Variants in NEB observed in about 807,000 individuals in gnomAD.
The protein encoded by NEB is nebulin, also known as nemaline myopathy type 2.
NEB carries 512 observed loss-of-function variants against 952.2 expected under a neutral mutation model. The ratio of observed to expected loss-of-function variants is 0.54; its 90% CI spans 0.50 to 0.58. The LOEUF is 0.58. Among genes scored for constraint, NEB ranks in the 20% least tolerant of loss-of-function variants. NEB has a pLI of 0.00. For missense variants in NEB, 8,428 were observed against 9,231.1 expected (o/e 0.91, Z 3.56); for synonymous variants, 2,900 against 3,149.8 (o/e 0.92, Z 2.66).
At chr2:151,521,661 A>T (rs967680608) in intron 153 of NEB, among the ~76,000 whole-genome samples, 1 of 152,198 alleles carries the variant, frequency 6.6e-6, no homozygotes, top group African/African-American at 2.4e-5. Flanking sequence ...CTTTTAGAAG[A>T]TACTTGTTTC....
At position 151,653,675 on chromosome 2, in the gene NEB, G is replaced by C. The variant is rs151044518; in HGVS notation, c.6915+317C>G. ...TGAATTTGTCTAAAATAGACAAGTA[G>C]AAAGCAGTAAAATTATTATATTTTC... On this transcript the variant is annotated intron_variant, in intron 52 of 181. Transcript: ENST00000397345. Among the ~76,000 whole-genome samples the C allele has an allele frequency of 6.3e-3, 953 of 152,258 alleles. 12 individuals are homozygous for C. Among genetic ancestry groups the C allele is most frequent in the African/African-American group, 0.022 (911 of 41,550 alleles).
rs1247575175 is a variant in NEB at position 151,533,484 on chromosome 2, T to C, written c.21375A>G (p.Pro7125=). 6.4e-7 allele frequency: 1 copy of C among 1,551,626 alleles called. No homozygotes were observed. Among genetic ancestry groups the C allele is most frequent in the Admixed American group, 2.0e-5 (1 of 51,004 alleles). The change falls in exon 143 of 182, where the codon CCA becomes CCG. Residue 7125 remains proline (P), a synonymous_variant. Transcript: ENST00000397345. ...LQHGCNEILR[P]DMLTALYNSH... ...AATTGTAGAGAGCAGTCAACATATC[T>C]GGACGCAGAATTTCATTACATCCAT...
chr2:151,666,703 C>T (rs1291748161), intron 40 of NEB, among the ~76,000 whole-genome samples: 1 of 151,740 alleles, frequency 6.6e-6, no homozygotes, highest in Non-Finnish European at 1.5e-5. Flanking sequence ...TTGATGTACG[C>T]TTTTTTTGTT....
intron 65 of NEB, among the ~76,000 whole-genome samples, chr2:151,632,472 T>G (rs1460025749): frequency 6.6e-6 from 1 of 151,970 alleles, no homozygotes; most frequent in Non-Finnish European, 1.5e-5. Flanking sequence ...GGTCAGGAGT[T>G]GGAGACCAGC....
At chr2:151,506,298 A>G in intron 163 of NEB, 40 bp from the exon 164 acceptor site, 2 of 1,459,596 alleles carry the variant, frequency 1.4e-6, no homozygotes, top group Non-Finnish European at 1.9e-6. Context: ...CACAGAAGAA[A>G]AGAAAACCCA....
At chr2:151,486,899 G>C (rs2050934139) in intron 181 of NEB, 1 of 152,140 alleles carries the variant, frequency 6.6e-6, no homozygotes, top group African/African-American at 2.4e-5. Context: ...TTGTTTGTTT[G>C]TTTTAATTCA....
chr2:151,493,255 AGT>A (rs1449908882), intron 176 of NEB, 96 bp downstream of exon 176: 17 of 926,202 alleles, frequency 1.8e-5, no homozygotes, highest in African/African-American at 6.7e-5. Context: ...TTAAAATTTT[AGT>A]GTGTTTTTCA....
At chr2:151,498,130 T>C in intron 170 of NEB, 130 bp downstream of exon 170, 1 of 1,521,396 alleles carries the variant, frequency 6.6e-7, no homozygotes, top group African/African-American at 1.4e-5. Context: ...TGGGAAAGTA[T>C]ATCCTTTTGT....
chr2:151,537,099 T>C, intron 141 of NEB, 33 bp downstream of exon 141: 1 of 1,371,416 alleles, frequency 7.3e-7, no homozygotes, highest in South Asian at 1.2e-5. Context: ...ATATGTCGAA[T>C]GGATGAGGCC....
At chr2:151,661,122 T>C (rs2099143340) in intron 46 of NEB, among the ~76,000 whole-genome samples, 1 of 152,144 alleles carries the variant, frequency 6.6e-6, no homozygotes, top group African/African-American at 2.4e-5. Flanking sequence ...AACTCTGCAA[T>C]GGGAGGATTC....
In NEB at chr2:151,575,757, G is replaced by A; in HGVS notation, c.16951C>T (p.His5651Tyr). 1 of 1,610,844 alleles carries A rather than the reference G, an allele frequency of 6.2e-7. No homozygotes were observed. The change falls in exon 107 of 182, where the codon CAC becomes TAC. Residue 5651 changes from histidine (H) to tyrosine (Y), a missense_variant. Physicochemically the swap from His to Tyr is moderately conservative, Grantham distance 83. Transcript: ENST00000397345. ...ATTTCTGGAGTATCTGGCATTATGTGTATTGAAGTTTTATCCTTGTCCCAA... is the reference window on the plus strand; with the variant it reads ...ATTTCTGGAGTATCTGGCATTATGTATATTGAAGTTTTATCCTTGTCCCAA... ...EVWDKDKTSI[H>Y]IMPDTPEINL...
At chr2:151,544,447 G>A (rs1000322573) in intron 135 of NEB, among the ~76,000 whole-genome samples, 18 of 152,218 alleles carry the variant, frequency 1.2e-4, no homozygotes, top group Middle Eastern at 3.4e-3. Context: ...GCCCAGACAC[G>A]GAGAATCAGT....
intron 11 of NEB, 62 bp from the exon 12 acceptor site, chr2:151,709,825 G>A: frequency 7.8e-7 from 1 of 1,282,538 alleles, no homozygotes; most frequent in Non-Finnish European, 1.1e-6. Flanking sequence ...GAATTTCCAT[G>A]AGAAGACACA....
At chr2:151,671,450 T>C (rs1285094764) in intron 37 of NEB, 2 of 470,366 alleles carry the variant, frequency 4.3e-6, no homozygotes, top group Non-Finnish European at 7.5e-6. Flanking sequence ...TCACATATTT[T>C]CATGGGTACT....
intron 28 of NEB, among the ~76,000 whole-genome samples, chr2:151,684,122 A>G (rs2099462838): frequency 6.6e-6 from 1 of 152,180 alleles, no homozygotes; most frequent in Admixed American, 6.5e-5. Context: ...GGAAGATGAA[A>G]AGGCTCTGCA....
rs757027644 is a variant in NEB, at chr2:151,617,380, C to T, written c.11165G>A (p.Arg3722Gln). The part of the protein sequence containing the change: ...TPEIMLAKLN[R>Q]INYSDKLYKL... ...TTTACTTACATCACTGTAGTTTATT[C>T]GGTTGAGTTTGGCTAACATGATTTC... The change falls in exon 75 of 182, where the codon CGA becomes CAA. Residue 3722 changes from arginine to glutamine, a missense_variant. By Grantham distance (43) the Arg-to-Gln change is conservative. This residue lies in a region of NEB where 1,772 missense variants were observed against 1,960.3 expected (regional missense o/e 0.90). Coordinates refer to ENST00000397345, the MANE Select transcript of NEB (RefSeq NM_001164508.2). 33 of 1,554,140 alleles carry T rather than the reference C, an allele frequency of 2.1e-5. No homozygotes were observed. Among genetic ancestry groups the T allele is most frequent in the African/African-American group, 2.7e-5 (2 of 73,174 alleles).
chr2:151,546,003 A>T lies in NEB; in HGVS notation c.20467-5T>A, dbSNP rs762368980. 4.4e-4 allele frequency: 550 copies of T among 1,243,134 alleles called. No individual in the cohort carries two copies. Among genetic ancestry groups the T allele is most frequent in the Non-Finnish European group, 5.3e-4 (480 of 910,360 alleles). 77.0% of individuals were successfully genotyped at this position (1,243,134 alleles called of 1,614,324 possible). A position where few individuals can be genotyped will look rare whatever the true frequency, so the allele number is the denominator to read the frequency against. ...ATCAGTGTATAGGTAATTAGACTTA[A>T]AAAAAAAAAAAAAAACAGAAATACA... is the stretch of plus-strand genomic sequence containing the variant. On this transcript the variant is annotated splice_polypyrimidine_tract_variant and splice_region_variant and intron_variant, in intron 134 of 181. Coordinates refer to ENST00000397345, the MANE Select transcript of NEB (RefSeq NM_001164508.2).
chr2:151,630,674 C>T (rs1229671091), intron 67 of NEB, 41 bp downstream of exon 67: 2 of 1,478,938 alleles, frequency 1.4e-6, no homozygotes, highest in East Asian at 2.4e-5. Flanking sequence ...TAAGTATAGA[C>T]ACCACCACCA....
intron 57 of NEB, 93 bp downstream of exon 57, chr2:151,643,725 A>G: frequency 2.6e-6 from 4 of 1,535,376 alleles, no homozygotes; most frequent in Non-Finnish European, 3.5e-6. Context: ...GTCCAGGGTA[A>G]TTGTGTAAAC....
Sources: allele counts gnomAD v4.1 joint callset (sites outside exome capture counted in the v4.1 genomes callset), GRCh38; gene constraint gnomAD v4.1.1; regional missense constraint gnomAD v4.1.1; transcripts MANE v1.5; gene names NCBI Gene and HGNC (gene_info 2026-07-23, HGNC 2026-07-21).